SERINC5: variants seen among roughly 807,000 people sequenced by gnomAD.
The protein encoded by SERINC5 is serine incorporator 5, also known as chromosome 5 open reading frame 12.
A neutral mutation model predicts 63.1 loss-of-function variants in SERINC5; 41 were observed. The ratio of observed to expected loss-of-function variants is 0.65; its 90% CI spans 0.51 to 0.84. The LOEUF is 0.84. SERINC5 is among the 40% of genes least tolerant of loss of function. SERINC5 has a pLI of 0.00. For synonymous variants in SERINC5, 222 were observed against 215.2 expected (o/e 1.03, Z -0.28); for missense variants, 523 against 573.0 (o/e 0.91, Z 0.89).
Position 80,255,987 on chromosome 5 carries a change from C to T in SERINC5, c.-65G>A. ...GCGCCGCACGGGCCCTCCTGGCTGC[C>T]TCGCGCCTCGAGCGCTGGGCTCAGC... On this transcript the variant is annotated 5_prime_UTR_variant, in exon 1 of 12. Coordinates refer to ENST00000507668, the MANE Select transcript of SERINC5 (RefSeq NM_001174072.3). 7.0e-7 allele frequency: 1 copy of T among 1,431,742 alleles called. No individual in the cohort carries two copies. The highest frequency in any genetic ancestry group is 9.2e-7 in the Non-Finnish European group (1 of 1,092,646). 88.7% of individuals were successfully genotyped at this position (1,431,742 alleles called of 1,614,324 possible). A position where few individuals can be genotyped will look rare whatever the true frequency, so the allele number is the denominator to read the frequency against.
In SERINC5 at chr5:80,179,966, T is replaced by C. The variant is rs555221953; in HGVS notation, c.196-1902A>G. On this transcript the variant is annotated intron_variant, in intron 2 of 11. Transcript: ENST00000507668. ...AAAAACCCAATATCCTGTTTTAAGG[T>C]ACATCTTCCTTATTACTAGTGAGAT... 1.1e-4 allele frequency among the ~76,000 whole-genome samples: 16 copies of C among 152,342 alleles called. No homozygotes were observed. In the East Asian group the frequency reaches 1.3e-3, roughly 13 times the overall value.
intron 1 of SERINC5, among the ~76,000 whole-genome samples, chr5:80,217,011 T>TA (rs1750697851): frequency 1.3e-5 from 2 of 151,994 alleles, no homozygotes; most frequent in South Asian, 2.1e-4. Context: ...ACTCTGTCTC[T>TA]AAAAAAACAA....
At chr5:80,254,733 G>A (rs1032819306) in intron 1 of SERINC5, among the ~76,000 whole-genome samples, 3 of 152,040 alleles carry the variant, frequency 2.0e-5, no homozygotes, top group Non-Finnish European at 2.9e-5. Context: ...AAATCATTTC[G>A]TCTCAGTCGT....
intron 2 of SERINC5, among the ~76,000 whole-genome samples, chr5:80,180,771 T>C (rs1218541094): frequency 6.6e-6 from 1 of 152,220 alleles, no homozygotes; most frequent in African/African-American, 2.4e-5. Context: ...GAGTTAATTA[T>C]GTAGTCTCAG....
In SERINC5 at chr5:80,208,730, TCA is replaced by T. The variant is rs1437219571; in HGVS notation, c.28-5679_28-5678del. Reference sequence around the variant, plus strand: ...CTTGCAATCCTTCCAGAAACTCCTCTCACAGATACATTTCCAAAAAGACACAG... The same window carrying T: ...CTTGCAATCCTTCCAGAAACTCCTCTCAGATACATTTCCAAAAAGACACAG... On this transcript the variant is annotated intron_variant, in intron 1 of 11. Coordinates refer to ENST00000507668, the MANE Select transcript of SERINC5 (RefSeq NM_001174072.3). Among the ~76,000 whole-genome samples, 5 of 152,318 alleles carry T rather than the reference TCA, an allele frequency of 3.3e-5. No homozygotes were observed. The East Asian group carries it at 9.7e-4, about 29-fold the overall frequency.
chr5:80,217,347 A>C (rs530667806), intron 1 of SERINC5, among the ~76,000 whole-genome samples: 2 of 152,306 alleles, frequency 1.3e-5, no homozygotes, highest in East Asian at 3.9e-4. Flanking sequence ...AAACCTGCCA[A>C]GCCCTTTCCA....
chr5:80,230,518 G>A (rs183518474), intron 1 of SERINC5, among the ~76,000 whole-genome samples: 2 of 149,906 alleles, frequency 1.3e-5, no homozygotes, highest in East Asian at 3.9e-4. Context: ...TTTCAAACGG[G>A]GCTTGAGGGA....
intron 8 of SERINC5, among the ~76,000 whole-genome samples, chr5:80,153,761 C>T (rs1049573369): frequency 5.3e-5 from 8 of 151,788 alleles, no homozygotes; most frequent in African/African-American, 1.9e-4. Flanking sequence ...CCACCCCACC[C>T]CAACCCAGCC....
At chr5:80,146,474 T>TG (rs1580060188) in intron 10 of SERINC5, among the ~76,000 whole-genome samples, 1 of 152,228 alleles carries the variant, frequency 6.6e-6, no homozygotes, top group Non-Finnish European at 1.5e-5. Flanking sequence ...TTTTTTGAGA[T>TG]GGAGTTTCAC....
intron 7 of SERINC5, 106 bp downstream of exon 7, chr5:80,166,277 C>T: frequency 1.3e-6 from 1 of 782,704 alleles, no homozygotes; most frequent in Non-Finnish European, 2.1e-6. Flanking sequence ...AACCATCTTT[C>T]TGCTCTCTAT....
chr5:80,214,277 A>G (rs1391526931), intron 1 of SERINC5, among the ~76,000 whole-genome samples: 1 of 152,210 alleles, frequency 6.6e-6, no homozygotes, highest in Non-Finnish European at 1.5e-5. Flanking sequence ...CTAGAAGGAT[A>G]TATCAGTACA....
At chr5:80,176,072 G>A (rs1384477380) in intron 4 of SERINC5, among the ~76,000 whole-genome samples, 1 of 151,318 alleles carries the variant, frequency 6.6e-6, no homozygotes, top group Admixed American at 6.6e-5. Context: ...CCAGCTACTC[G>A]GGAGGCTGAG....
intron 10 of SERINC5, 117 bp downstream of exon 10, chr5:80,147,128 A>G: frequency 1.1e-6 from 1 of 922,976 alleles, no homozygotes; most frequent in Admixed American, 2.4e-5. Context: ...TCAGCTTTAG[A>G]ATAAAACTTT....
At chr5:80,205,117 GAGTT>G (rs1022351934) in intron 1 of SERINC5, among the ~76,000 whole-genome samples, 8 of 152,152 alleles carry the variant, frequency 5.3e-5, no homozygotes, top group Non-Finnish European at 8.8e-5. Flanking sequence ...CTGATAAGGA[GAGTT>G]ACACAGACAG....
intron 1 of SERINC5, among the ~76,000 whole-genome samples, chr5:80,226,975 AACCTCC>A (rs1751196422): frequency 6.6e-6 from 1 of 152,134 alleles, no homozygotes; most frequent in Non-Finnish European, 1.5e-5. Flanking sequence ...AGTTCACTGC[AACCTCC>A]ACCTCCCGGG....
chr5:80,182,552 CCCCT>C (rs797007318), intron 2 of SERINC5, among the ~76,000 whole-genome samples: 6,817 of 141,338 alleles, frequency 0.048, 961 homozygotes, highest in African/African-American at 0.17. Context: ...CCGCCCCCCC[CCCCT>C]CCGCTTTTTT....
intron 2 of SERINC5, among the ~76,000 whole-genome samples, chr5:80,182,547 C>CG (rs1748512000): frequency 2.3e-5 from 2 of 85,672 alleles, no homozygotes; most frequent in East Asian, 5.9e-4. Context: ...TCTGACCGCC[C>CG]CCCCCCCCTC....
At chr5:80,197,399 T>C (rs1194512928) in intron 2 of SERINC5, among the ~76,000 whole-genome samples, 1 of 133,990 alleles carries the variant, frequency 7.5e-6, no homozygotes, top group Non-Finnish European at 1.6e-5. Flanking sequence ...TATTGTATGA[T>C]TCCATTTATA....
chr5:80,165,473 T>C (rs1267442838), intron 7 of SERINC5, among the ~76,000 whole-genome samples: 11 of 152,222 alleles, frequency 7.2e-5, no homozygotes, highest in African/African-American at 2.4e-4. Flanking sequence ...TGTATGTATG[T>C]CTGTGTATAT....
Sources: gnomAD v4.1 joint callset for allele counts (sites outside exome capture counted in the v4.1 genomes callset) on GRCh38, gnomAD v4.1.1 for gene constraint, MANE v1.5 for transcripts, NCBI Gene and HGNC (gene_info 2026-07-23, HGNC 2026-07-21) for gene names.